FBXO42: variants seen among roughly 807,000 people sequenced by gnomAD.
FBXO42 encodes F-box protein 42.
In FBXO42, 12 loss-of-function variants were observed where a neutral mutation model predicts 71.7. The observed-to-expected ratio is 0.17, with a 90% CI of 0.11 to 0.27. The LOEUF is 0.27. FBXO42 is among the 10% of genes least tolerant of loss of function. FBXO42 has a pLI of 1.00. For missense variants in FBXO42, 707 were observed against 911.9 expected (o/e 0.78, Z 2.89); for synonymous variants, 325 against 327.5 (o/e 0.99, Z 0.08).
At position 16,294,867 on chromosome 1, in the gene FBXO42, T is replaced by C; in HGVS notation, c.418A>G (p.Thr140Ala). Residue 140 changes from threonine to alanine, a missense_variant, in exon 4 of 10, where the codon ACC (threonine) becomes GCC (alanine). Physicochemically the swap from Thr to Ala is moderately conservative, Grantham distance 58. Coordinates refer to ENST00000375592, the MANE Select transcript of FBXO42 (RefSeq NM_018994.3). ...NQSMYVFGGC[T>A]QSSCNAAFND... ...AAAGCAGCATTGCAGCTGCTCTGGG[T>C]ACAGCCTCCAAACACATACATAGAC... 1.2e-6 allele frequency: 2 copies of C among 1,614,154 alleles called. No homozygotes were observed. The highest frequency in any genetic ancestry group is 1.7e-6 in the Non-Finnish European group (2 of 1,180,018).
chr1:16,320,431 TTACTTGTTCCCTTATATATTATCATTTCC>T (rs1035518326), intron 1 of FBXO42, among the ~76,000 whole-genome samples: 5 of 151,934 alleles, frequency 3.3e-5, no homozygotes, highest in African/African-American at 1.2e-4. Flanking sequence ...ATAGTCCCTC[TTACTTGTTCCCTTATATATTATCATTTCC>T]TACTGGCTAA....
chr1:16,264,093 G>A (rs1483321572), intron 4 of FBXO42, among the ~76,000 whole-genome samples: 2 of 152,140 alleles, frequency 1.3e-5, no homozygotes, highest in Admixed American at 1.3e-4. Flanking sequence ...TTACAGGCAT[G>A]AGCCACCATG....
intron 1 of FBXO42, among the ~76,000 whole-genome samples, chr1:16,323,284 G>C (rs1301618682): frequency 6.6e-6 from 1 of 151,870 alleles, no homozygotes; most frequent in African/African-American, 2.4e-5. Context: ...TGGGCGTGGT[G>C]GTGGGCACCT....
intron 1 of FBXO42, among the ~76,000 whole-genome samples, chr1:16,349,530 G>A (rs2082680937): frequency 2.0e-5 from 3 of 152,198 alleles, no homozygotes; most frequent in East Asian, 3.8e-4. Flanking sequence ...ATCGTGGGAA[G>A]GGCTTTATTT....
In FBXO42 at chr1:16,252,415, A is replaced by G. The variant is rs956441720; in HGVS notation, c.922-11T>C. The G allele has an allele frequency of 6.2e-7, 1 of 1,604,496 alleles. No individual in the cohort carries two copies. The highest frequency in any genetic ancestry group is 1.3e-5 in the African/African-American group (1 of 74,736). On this transcript the variant is annotated splice_polypyrimidine_tract_variant and intron_variant, in intron 8 of 9. Coordinates refer to ENST00000375592, the MANE Select transcript of FBXO42 (RefSeq NM_018994.3). This position sits in a 1 kb window ranked among gnomAD's most constrained non-coding sequence, Gnocchi z 4.4. Reference sequence around the variant, plus strand: ...AGCATCCTTGAATAGCTGTAAGAGAAAAAACCAATAACAAGACTCAGGTGT... The same window carrying G: ...AGCATCCTTGAATAGCTGTAAGAGAGAAAACCAATAACAAGACTCAGGTGT...
At chr1:16,278,191 A>T (rs1485222228) in intron 4 of FBXO42, among the ~76,000 whole-genome samples, 1 of 151,190 alleles carries the variant, frequency 6.6e-6, no homozygotes, top group East Asian at 2.0e-4. Context: ...ACTCCATCTC[A>T]ACTAAAAATA....
chr1:16,306,018 GTTTC>G lies in FBXO42; in HGVS notation c.251-103_251-100del. 5.5e-6 allele frequency: 5 copies of G among 905,080 alleles called. No individual in the cohort carries two copies. In the East Asian group the frequency reaches 1.0e-4, roughly 18 times the overall value. 56.1% of individuals were successfully genotyped at this position (905,080 alleles called of 1,614,324 possible). On this transcript the variant is annotated intron_variant, in intron 2 of 9. Transcript: ENST00000375592. ...ACCTGTTTTTATCATTTTTATACAA[GTTTC>G]TTTTTTTTTTCTTTTTTTGAGATGG... is the stretch of plus-strand genomic sequence containing the variant.
chr1:16,332,383 C>T (rs1238035491), intron 1 of FBXO42, among the ~76,000 whole-genome samples: 1 of 151,730 alleles, frequency 6.6e-6, no homozygotes, highest in Non-Finnish European at 1.5e-5. Flanking sequence ...CTATTATTCT[C>T]CAAAAAAAAT....
At chr1:16,333,447 C>A (rs887169277) in intron 1 of FBXO42, among the ~76,000 whole-genome samples, 2 of 99,334 alleles carry the variant, frequency 2.0e-5, no homozygotes, top group East Asian at 3.2e-4. Context: ...CCCCCCCCCC[C>A]CATTTCCAAG....
At chr1:16,299,395 T>C (rs796803334) in intron 3 of FBXO42, among the ~76,000 whole-genome samples, 6 of 152,282 alleles carry the variant, frequency 3.9e-5, no homozygotes, top group African/African-American at 1.4e-4. Context: ...AATCCCACAC[T>C]AAAATAGGGC....
intron 1 of FBXO42, among the ~76,000 whole-genome samples, chr1:16,316,769 C>T (rs1394927128): frequency 6.9e-6 from 1 of 145,088 alleles, no homozygotes; most frequent in East Asian, 2.0e-4. Flanking sequence ...GTAAATGTTC[C>T]AAGAATAGAC....
At chr1:16,296,654 A>AAG (rs1182705113) in intron 3 of FBXO42, among the ~76,000 whole-genome samples, 2 of 151,130 alleles carry the variant, frequency 1.3e-5, no homozygotes, top group African/African-American at 4.9e-5. Context: ...CATCTCAAAA[A>AAG]AAAAAAAAAA....
At chr1:16,272,048 G>A (rs1264364322) in intron 4 of FBXO42, among the ~76,000 whole-genome samples, 2 of 147,792 alleles carry the variant, frequency 1.4e-5, no homozygotes, top group African/African-American at 2.5e-5. Flanking sequence ...CCAGCTACTC[G>A]AGAGGCTAAG....
At chr1:16,276,418 T>C (rs1341461381) in intron 4 of FBXO42, among the ~76,000 whole-genome samples, 1 of 146,950 alleles carries the variant, frequency 6.8e-6, no homozygotes, top group Non-Finnish European at 1.5e-5. Context: ...AAAAGAAAAC[T>C]GGAGAACTTG....
At chr1:16,304,113 A>ATTT (rs141862662) in intron 3 of FBXO42, among the ~76,000 whole-genome samples, 1 of 127,532 alleles carries the variant, frequency 7.8e-6, no homozygotes. Context: ...CCAAATTTGT[A>ATTT]TTTTTTTTTT....
rs997053723 is a variant in FBXO42 at position 16,253,260 on chromosome 1, T to C, written c.865-108A>G. The C allele has an allele frequency of 4.4e-6, 4 of 904,528 alleles. No individual in the cohort carries two copies. In the African/African-American group the frequency reaches 5.1e-5, roughly 11 times the overall value. The allele number at this position is 904,528 out of a possible 1,614,324, so 56.0% of individuals were successfully genotyped here. On this transcript the variant is annotated intron_variant, in intron 7 of 9. Coordinates refer to ENST00000375592, the MANE Select transcript of FBXO42 (RefSeq NM_018994.3). ...CCTACCTAGCTCCCAAATGGGAATATTCTAGTTACCATAACCTCTCCATTC... is the reference window on the plus strand; with the variant it reads ...CCTACCTAGCTCCCAAATGGGAATACTCTAGTTACCATAACCTCTCCATTC...
chr1:16,251,629 C>G lies in FBXO42; in HGVS notation c.1195G>C (p.Asp399His). The G allele has an allele frequency of 6.2e-7, 1 of 1,614,218 alleles. No homozygotes were observed. The highest frequency in any genetic ancestry group is 8.5e-7 in the Non-Finnish European group (1 of 1,180,050). The change falls in exon 10 of 10, where the codon GAT (aspartate) becomes CAT (histidine). Residue 399 changes from aspartate to histidine, a missense_variant. This residue lies in a region of FBXO42 where 482 missense variants were observed against 587.1 expected (regional missense o/e 0.82). Transcript: ENST00000375592. The surrounding 1 kb of genome is among the most constrained non-coding windows in gnomAD (Gnocchi z 4.5). ...YRSQSPVRSM[D>H]EAPCVNGRWG... ...CGGCCGTTAACACAAGGAGCTTCAT[C>G]CATGCTTCTTACTGGAGACTGAGAG... is the stretch of plus-strand genomic sequence containing the variant.
At chr1:16,298,818 A>G (rs537556072) in intron 3 of FBXO42, among the ~76,000 whole-genome samples, 5 of 151,532 alleles carry the variant, frequency 3.3e-5, no homozygotes, top group Non-Finnish European at 5.9e-5. Context: ...CCAATGTCCT[A>G]TGACTTCTGA....
chr1:16,326,014 TTGTGTGTGTG>T lies in FBXO42; in HGVS notation c.-17-10589_-17-10580del, dbSNP rs34752325. Reference sequence around the variant, plus strand: ...TAAAATGGAACTTCAGTGCCCAAATTTGTGTGTGTGTGTGTGTGTGTGTGTGTGTGTGTGT... The same window carrying T: ...TAAAATGGAACTTCAGTGCCCAAATTTGTGTGTGTGTGTGTGTGTGTGTGT... On this transcript the variant is annotated intron_variant, in intron 1 of 9. Transcript: ENST00000375592. Among the ~76,000 whole-genome samples the T allele has an allele frequency of 1.1e-3, 150 of 137,524 alleles. 1 individual carries two copies. The highest frequency in any genetic ancestry group is 3.4e-3 in the African/African-American group (129 of 38,380). The allele number at this position is 137,524 out of a possible 152,430, so 90.2% of individuals were successfully genotyped here.
Sources: allele counts gnomAD v4.1 joint callset (sites outside exome capture counted in the v4.1 genomes callset), GRCh38; gene constraint gnomAD v4.1.1; regional missense constraint gnomAD v4.1.1; non-coding constraint Gnocchi (gnomAD v3.1); transcripts MANE v1.5; gene names NCBI Gene and HGNC (gene_info 2026-07-23, HGNC 2026-07-21).